The following CD99L2 variants were observed in gnomAD, a reference collection of about 807,000 sequenced individuals.
The protein encoded by CD99L2 is CD99 molecule like 2.
Under a neutral mutation model 27.3 loss-of-function variants are expected in CD99L2, and 24 were observed. The ratio of observed to expected loss-of-function variants is 0.88; its 90% confidence interval spans 0.64 to 1.24. The LOEUF (loss-of-function observed/expected upper bound fraction) is 1.24, where lower values mean the gene tolerates loss of function less well. CD99L2 is among the 50% of genes most tolerant of loss of function. The pLI is 0.00. For missense variants in CD99L2, 255 were observed against 221.6 expected (o/e 1.15, Z -0.96); for synonymous variants, 97 against 87.9 (o/e 1.10, Z -0.58).
Position 150,768,811 on chromosome X carries a change from C to G in CD99L2, c.*223G>C, listed in dbSNP as rs1357492470. ...AGCTCCCGAGGCTGGTGCTGGCTTT[C>G]TATCAGAGCTGGCTCTTGAATTTCG... On this transcript the variant is annotated 3_prime_UTR_variant, in exon 11 of 11. Transcript: ENST00000370377. 4 of 835,497 alleles carry G rather than the reference C, an allele frequency of 4.8e-6. No homozygotes were observed. Among genetic ancestry groups the G allele is most frequent in the Non-Finnish European group, 6.1e-6 (4 of 655,623 alleles). The allele number at this position is 835,497 out of a possible 1,213,427, so 68.9% of individuals were successfully genotyped here.
intron 4 of CD99L2, among the ~76,000 whole-genome samples, chrX:150,803,786 T>C (rs1213115135): frequency 1.8e-5 from 2 of 112,041 alleles, no homozygotes; most frequent in African/African-American, 6.5e-5. Context: ...GATGATCATC[T>C]TTACTTAAAT....
intron 1 of CD99L2, among the ~76,000 whole-genome samples, chrX:150,838,800 C>T (rs1297352165): frequency 9.4e-6 from 1 of 106,520 alleles, no homozygotes; most frequent in Admixed American, 1.0e-4. Context: ...AGCAATCCTC[C>T]GGCCTTGGCC....
chrX:150,849,776 A>G (rs1557421555), intron 1 of CD99L2, among the ~76,000 whole-genome samples: 1 of 111,655 alleles, frequency 9.0e-6, no homozygotes, highest in East Asian at 2.8e-4. Flanking sequence ...CTTGTCATGG[A>G]AGCAGGCAAT....
Position 150,771,052 on chromosome X carries a change from G to C in CD99L2, c.656-683C>G, listed in dbSNP as rs782518892. On this transcript the variant is annotated intron_variant, in intron 9 of 10. Coordinates refer to ENST00000370377, the MANE Select transcript of CD99L2 (RefSeq NM_031462.4). ...CCCGCCAGCAAGGGCCAGTGTTCAA[G>C]TTCTTAGAGTGGACCCCACCCCTGC... Among the ~76,000 whole-genome samples the C allele has an allele frequency of 3.7e-3, 412 of 112,495 alleles. 2 individuals are homozygous for C. The highest frequency in any genetic ancestry group is 0.013 in the African/African-American group (399 of 30,984).
In CD99L2 at chrX:150,766,578, C is replaced by T. The variant is rs868993864; in HGVS notation, c.*2456G>A. 1.3e-4 allele frequency: 14 copies of T among 108,457 alleles called. No homozygotes were observed. Among genetic ancestry groups the T allele is most frequent in the African/African-American group, 5.1e-4 (14 of 27,408 alleles). 8.9% of individuals were successfully genotyped at this position (108,457 alleles called of 1,213,427 possible). ...TCTTTCCTTGAGCTGTGACTTCACC[C>T]AGCATGTGCTCAGAGTTGTTACAAA... On this transcript the variant is annotated 3_prime_UTR_variant, in exon 11 of 11. Coordinates refer to ENST00000370377, the MANE Select transcript of CD99L2 (RefSeq NM_031462.4).
chrX:150,890,794 T>C (rs182570371), intron 1 of CD99L2, among the ~76,000 whole-genome samples: 302 of 112,877 alleles, frequency 2.7e-3, no homozygotes, highest in African/African-American at 8.6e-3. Flanking sequence ...GCATCCTGCT[T>C]CAAGTGCGGC....
At chrX:150,844,992 G>C (rs1292223338) in intron 1 of CD99L2, among the ~76,000 whole-genome samples, 3 of 112,323 alleles carry the variant, frequency 2.7e-5, no homozygotes, top group Non-Finnish European at 5.6e-5. Context: ...CTAAGCGTCC[G>C]TATGTAGCAG....
chrX:150,791,733 A>T (rs1440504003), intron 7 of CD99L2, among the ~76,000 whole-genome samples: 1 of 111,002 alleles, frequency 9.0e-6, no homozygotes, highest in African/African-American at 3.3e-5. Context: ...CAGGAAGGAA[A>T]TAAGGGCGGA....
chrX:150,770,649 C>T (rs1270232146), intron 9 of CD99L2, among the ~76,000 whole-genome samples: 1 of 113,072 alleles, frequency 8.8e-6, no homozygotes, highest in Non-Finnish European at 1.9e-5. Flanking sequence ...CAGCTGCCAC[C>T]GCGTCAAGAC....
At chrX:150,810,483 A>G (rs187786254) in intron 4 of CD99L2, among the ~76,000 whole-genome samples, 51 of 111,822 alleles carry the variant, frequency 4.6e-4, no homozygotes, top group African/African-American at 1.5e-3. Flanking sequence ...AAAGGCCTAT[A>G]GTAAAAAAGG....
intron 7 of CD99L2, among the ~76,000 whole-genome samples, chrX:150,785,364 G>A (rs1854834956): frequency 9.0e-6 from 1 of 111,648 alleles, no homozygotes; most frequent in Non-Finnish European, 1.9e-5. Flanking sequence ...TTAACATTTT[G>A]CATCATTCAC....
intron 1 of CD99L2, among the ~76,000 whole-genome samples, chrX:150,866,988 T>C (rs2047071703): frequency 8.9e-6 from 1 of 112,306 alleles, no homozygotes; most frequent in Non-Finnish European, 1.9e-5. Flanking sequence ...TCCTGGGACC[T>C]ATTTCATCCT....
chrX:150,779,657 G>A (rs1412044147), intron 7 of CD99L2, among the ~76,000 whole-genome samples: 1 of 112,311 alleles, frequency 8.9e-6, no homozygotes, highest in Non-Finnish European at 1.9e-5. Context: ...AGATGGTATT[G>A]GTGATGAGTC....
intron 7 of CD99L2, among the ~76,000 whole-genome samples, chrX:150,779,160 G>A (rs1356146372): frequency 6.2e-5 from 7 of 112,132 alleles, no homozygotes; most frequent in South Asian, 3.7e-4. Flanking sequence ...ACAAGACTGC[G>A]GAGCAACAGG....
At chrX:150,874,693 C>A (rs1806550184) in intron 1 of CD99L2, among the ~76,000 whole-genome samples, 1 of 111,874 alleles carries the variant, frequency 8.9e-6, no homozygotes, top group African/African-American at 3.2e-5. Context: ...TGTCACTGGG[C>A]AACCTTCCTT....
intron 2 of CD99L2, among the ~76,000 whole-genome samples, chrX:150,827,579 G>A (rs933817831): frequency 8.9e-6 from 1 of 111,835 alleles, no homozygotes; most frequent in African/African-American, 3.3e-5. Context: ...GTTTGTTTTG[G>A]TCCTGTTTGT....
intron 1 of CD99L2, among the ~76,000 whole-genome samples, chrX:150,855,387 A>G (rs1449138863): frequency 1.8e-5 from 2 of 111,833 alleles, no homozygotes; most frequent in African/African-American, 6.5e-5. Context: ...TGCAGGAAGC[A>G]TGGCTGGGGA....
At chrX:150,809,242 A>C (rs1346277256) in intron 4 of CD99L2, among the ~76,000 whole-genome samples, 1 of 111,658 alleles carries the variant, frequency 9.0e-6, no homozygotes, top group Non-Finnish European at 1.9e-5. Context: ...TTAAGCAATC[A>C]AGTTCATGGT....
chrX:150,770,136 T>C (rs781892681), intron 10 of CD99L2, among the ~76,000 whole-genome samples, 168 bp downstream of exon 10: 2 of 112,945 alleles, frequency 1.8e-5, no homozygotes, highest in South Asian at 7.3e-4. Flanking sequence ...CCAGCATCTT[T>C]GGGCTCCTGA....
Sources: gnomAD v4.1 joint callset for allele counts (sites outside exome capture counted in the v4.1 genomes callset) on GRCh38, gnomAD v4.1.1 for gene constraint, MANE v1.5 for transcripts, NCBI Gene and HGNC (gene_info 2026-07-23, HGNC 2026-07-21) for gene names.